Variants in MACROD2 observed in about 807,000 individuals in gnomAD.
MACROD2 encodes ADP-ribose glycohydrolase MACROD2.
A neutral mutation model predicts 70.4 loss-of-function variants in MACROD2; 36 were observed. The observed-to-expected ratio is 0.51, with a 90% confidence interval of 0.39 to 0.68. MACROD2 has a LOEUF of 0.68. Ranked by LOEUF, MACROD2 falls within the 30% of genes least tolerant of loss-of-function variation. The pLI is 0.00. For synonymous variants in MACROD2, 172 were observed against 178.8 expected (o/e 0.96, Z 0.30); for missense variants, 496 against 538.4 (o/e 0.92, Z 0.78).
At chr20:14,467,312 C>T (rs756231056) in intron 3 of MACROD2, among the ~76,000 whole-genome samples, 7 of 152,168 alleles carry the variant, frequency 4.6e-5, no homozygotes, top group Non-Finnish European at 7.4e-5. Context: ...AGCGAGGTTC[C>T]GTGGGCGTAG....
chr20:14,555,578 CTTACTCAAGGT>C (rs1432938873), intron 4 of MACROD2, among the ~76,000 whole-genome samples: 1 of 151,968 alleles, frequency 6.6e-6, no homozygotes, highest in Non-Finnish European at 1.5e-5. Flanking sequence ...TGTTGAGTAG[CTTACTCAAGGT>C]TGACCTGAGA....
chr20:15,828,349 C>T (rs1435477047), intron 8 of MACROD2, among the ~76,000 whole-genome samples: 2 of 152,132 alleles, frequency 1.3e-5, no homozygotes, highest in African/African-American at 4.8e-5. Flanking sequence ...GTGTTTACAA[C>T]ATATATGAAA....
intron 7 of MACROD2, among the ~76,000 whole-genome samples, chr20:15,487,574 A>G (rs1244495544): frequency 2.0e-5 from 3 of 152,172 alleles, no homozygotes; most frequent in Non-Finnish European, 1.5e-5. Flanking sequence ...AAACCATAGA[A>G]TAGAAGTCTT....
At chr20:15,121,655 T>C (rs1179020718) in intron 5 of MACROD2, among the ~76,000 whole-genome samples, 1 of 152,202 alleles carries the variant, frequency 6.6e-6, no homozygotes, top group African/African-American at 2.4e-5. Flanking sequence ...ATTATCTTTT[T>C]AAATCCTTAC....
rs527816540 is a variant in MACROD2 at position 16,004,351 on chromosome 20, C to T, written c.1153+17193C>T. ...GGTTAGAAGAGTACAGAACCAAGGA[C>T]TGTGTTTGTTTATTGGAAAGCAGCC... On this transcript the variant is annotated intron_variant, in intron 15 of 17. Coordinates refer to ENST00000684519, the MANE Select transcript of MACROD2 (RefSeq NM_001351661.2). Among the ~76,000 whole-genome samples the T allele has an allele frequency of 3.3e-5, 5 of 152,268 alleles. No homozygotes were observed. In the South Asian group the frequency reaches 1.0e-3, roughly 32 times the overall value.
intron 13 of MACROD2, among the ~76,000 whole-genome samples, chr20:15,979,595 C>G (rs562619019): frequency 2.8e-4 from 42 of 152,146 alleles, no homozygotes; most frequent in African/African-American, 7.7e-4. Context: ...CTATAACCAA[C>G]CCTAGCTCTA....
At chr20:14,322,333 G>A (rs902585073) in intron 3 of MACROD2, among the ~76,000 whole-genome samples, 5 of 149,732 alleles carry the variant, frequency 3.3e-5, no homozygotes, top group African/African-American at 1.2e-4. Flanking sequence ...TAATCAAAAG[G>A]TGTATTTTAG....
intron 4 of MACROD2, among the ~76,000 whole-genome samples, chr20:14,596,728 G>A (rs1568690206): frequency 6.6e-6 from 1 of 152,098 alleles, no homozygotes; most frequent in Non-Finnish European, 1.5e-5. Context: ...TATTACACCT[G>A]CTAGCTTGTG....
At chr20:15,402,762 G>T (rs2045947586) in intron 6 of MACROD2, among the ~76,000 whole-genome samples, 1 of 152,020 alleles carries the variant, frequency 6.6e-6, no homozygotes, top group Non-Finnish European at 1.5e-5. Context: ...ATCCTTTTTT[G>T]CTTCCAAAGG....
At chr20:15,779,165 C>A (rs1042742996) in intron 8 of MACROD2, among the ~76,000 whole-genome samples, 2 of 152,200 alleles carry the variant, frequency 1.3e-5, no homozygotes, top group East Asian at 3.9e-4. Context: ...TCAGAGAACA[C>A]TTGGAATTAA....
In MACROD2 at chr20:15,226,431, C is replaced by G. The variant is rs946877721; in HGVS notation, c.419-3509C>G. On this transcript the variant is annotated intron_variant, in intron 5 of 17. Transcript: ENST00000684519. ...TTCTATTTACATTATCTTATTTATA[C>G]CAAGGGATTCAAAACCCATGTGCAA... Among the ~76,000 whole-genome samples the G allele has an allele frequency of 2.0e-5, 3 of 152,186 alleles. 1 individual carries two copies. The East Asian group carries it at 5.8e-4, about 29-fold the overall frequency.
chr20:14,801,244 T>G (rs535298142), intron 5 of MACROD2, among the ~76,000 whole-genome samples: 2 of 152,252 alleles, frequency 1.3e-5, no homozygotes, highest in East Asian at 3.9e-4. Flanking sequence ...CCGTTTCCCC[T>G]GCGCCCCTCA....
At chr20:15,926,537 G>A (rs571057637) in intron 10 of MACROD2, among the ~76,000 whole-genome samples, 3 of 152,326 alleles carry the variant, frequency 2.0e-5, no homozygotes, top group African/African-American at 7.2e-5. Context: ...GACAATTGAA[G>A]AACCAAAGAG....
intron 5 of MACROD2, among the ~76,000 whole-genome samples, chr20:14,881,292 A>G (rs1157356988): frequency 1.3e-5 from 2 of 149,434 alleles, no homozygotes; most frequent in African/African-American, 5.0e-5. Context: ...CATACTAGAT[A>G]TCAAATACTG....
At chr20:14,560,308 T>TACACACACACACACACACAC (rs1232499100) in intron 4 of MACROD2, among the ~76,000 whole-genome samples, 1 of 147,350 alleles carries the variant, frequency 6.8e-6, no homozygotes, top group Non-Finnish European at 1.5e-5. Flanking sequence ...GTACTTAATG[T>TACACACACACACACACACAC]ACACACACAC....
At chr20:15,764,030 T>G (rs2051481457) in intron 8 of MACROD2, among the ~76,000 whole-genome samples, 2 of 152,192 alleles carry the variant, frequency 1.3e-5, no homozygotes, top group Admixed American at 1.3e-4. Flanking sequence ...GTGGGAGGGT[T>G]GCAGGGTTTA....
chr20:15,986,650 G>A lies in MACROD2; in HGVS notation c.986-77G>A, dbSNP rs748171272. On this transcript the variant is annotated intron_variant, in intron 13 of 17. Transcript: ENST00000684519. ...ATCTCTCCATGCATGATTAAAGCAC[G>A]GTTTCTGAAGGTCAGGAATAAAGCT... The A allele has an allele frequency of 2.9e-4, 322 of 1,119,056 alleles. 4 individuals carry two copies. Among genetic ancestry groups the A allele is most frequent in the South Asian group, 6.1e-4 (42 of 69,058 alleles). 69.3% of individuals were successfully genotyped at this position (1,119,056 alleles called of 1,614,324 possible). A position where few individuals can be genotyped will look rare whatever the true frequency, so the allele number is the denominator to read the frequency against.
intron 2 of MACROD2, among the ~76,000 whole-genome samples, chr20:14,025,402 G>T (rs1405685821): frequency 6.6e-6 from 1 of 152,066 alleles, no homozygotes; most frequent in African/African-American, 2.4e-5. Flanking sequence ...CTAGTCTTCT[G>T]CTAGCTTTTG....
At chr20:14,091,492 C>A (rs1287981614) in intron 3 of MACROD2, among the ~76,000 whole-genome samples, 1 of 152,046 alleles carries the variant, frequency 6.6e-6, no homozygotes, top group African/African-American at 2.4e-5. Context: ...GCAAATGTCT[C>A]ACCATAAAGA....
Sources: allele counts gnomAD v4.1 joint callset (sites outside exome capture counted in the v4.1 genomes callset), GRCh38; gene constraint gnomAD v4.1.1; transcripts MANE v1.5; gene names NCBI Gene and HGNC (gene_info 2026-07-23, HGNC 2026-07-21).